The following PKNOX2 variants were observed in gnomAD, a reference collection of about 807,000 sequenced individuals.
PKNOX2 encodes the protein homeobox protein PKNOX2.
PKNOX2 carries 14 observed loss-of-function variants against 53.1 expected under a neutral mutation model. The observed-to-expected ratio is 0.26, with a 90% confidence interval of 0.17 to 0.41. The LOEUF (loss-of-function observed/expected upper bound fraction) is 0.41, where lower values mean the gene tolerates loss of function less well. PKNOX2 is among the 10% of genes least tolerant of loss of function. The pLI is 1.00. For synonymous variants in PKNOX2, 257 were observed against 242.8 expected, an observed-to-expected ratio of 1.06 and a Z score of -0.54; for missense variants, 496 against 602.8, an observed-to-expected ratio of 0.82 and a Z score of 1.85.
intron 1 of PKNOX2, among the ~76,000 whole-genome samples, chr11:125,229,173 C>T (rs1353258079): frequency 6.6e-6 from 1 of 152,144 alleles, no homozygotes; most frequent in Admixed American, 6.5e-5. Flanking sequence ...GAACATAATG[C>T]GACACCCCCA....
chr11:125,325,967 A>G lies in PKNOX2; in HGVS notation c.-129-5852A>G, dbSNP rs114091679. On this transcript the variant is annotated intron_variant, in intron 2 of 12. Coordinates refer to ENST00000298282, the MANE Select transcript of PKNOX2 (RefSeq NM_001382323.2). The stretch of plus-strand genomic sequence containing the variant: ...TCTTTGGCAATGAATAATAATAACT[A>G]AGTAAGCAAACCATCAACTGAACTG... Among the ~76,000 whole-genome samples the G allele has an allele frequency of 2.7e-3, 408 of 152,340 alleles. 4 individuals are homozygous for G. Among genetic ancestry groups the G allele is most frequent in the African/African-American group, 9.5e-3 (395 of 41,582 alleles).
chr11:125,330,075 G>T (rs1250774461), intron 2 of PKNOX2, among the ~76,000 whole-genome samples: 2 of 152,006 alleles, frequency 1.3e-5, no homozygotes, highest in Non-Finnish European at 1.5e-5. Context: ...CAGTGCAGGG[G>T]TGCGCTGTGG....
At chr11:125,271,768 C>T (rs1178295044) in intron 2 of PKNOX2, among the ~76,000 whole-genome samples, 1 of 152,028 alleles carries the variant, frequency 6.6e-6, no homozygotes, top group African/African-American at 2.4e-5. Context: ...CCTCCTTGGG[C>T]CTTGCTCCAG....
chr11:125,386,303 C>G lies in PKNOX2; in HGVS notation c.399+581C>G, dbSNP rs560611536. On this transcript the variant is annotated intron_variant, in intron 6 of 12. Transcript: ENST00000298282. ...TTTATAAAAATACATATTTCTAGGC[C>G]ACACCGCCTGGGAATTGTGATTCAG... 2.8e-3 allele frequency among the ~76,000 whole-genome samples: 419 copies of G among 152,272 alleles called. 5 individuals carry two copies. The highest frequency in any genetic ancestry group is 8.5e-3 in the African/African-American group (354 of 41,550).
intron 1 of PKNOX2, among the ~76,000 whole-genome samples, chr11:125,182,619 C>A (rs1433361023): frequency 6.6e-6 from 1 of 152,220 alleles, no homozygotes; most frequent in Non-Finnish European, 1.5e-5. Context: ...CAGGCTCAGC[C>A]ATCTGAGCCA....
intron 2 of PKNOX2, among the ~76,000 whole-genome samples, chr11:125,293,602 T>A (rs1947449035): frequency 6.6e-6 from 1 of 152,248 alleles, no homozygotes; most frequent in Admixed American, 6.5e-5. Context: ...TTGTTATTAC[T>A]TGAGACTTTC....
intron 2 of PKNOX2, among the ~76,000 whole-genome samples, chr11:125,307,294 G>A (rs1345943536): frequency 6.6e-6 from 1 of 152,122 alleles, no homozygotes; most frequent in Non-Finnish European, 1.5e-5. Flanking sequence ...AACAATAAAG[G>A]GAGCCTGGGT....
At chr11:125,228,516 C>T (rs1182253691) in intron 1 of PKNOX2, among the ~76,000 whole-genome samples, 1 of 152,202 alleles carries the variant, frequency 6.6e-6, no homozygotes, top group Non-Finnish European at 1.5e-5. Context: ...ACACCCCACA[C>T]TGGCTGTCCC....
intron 2 of PKNOX2, among the ~76,000 whole-genome samples, chr11:125,293,800 C>T (rs908655964): frequency 1.3e-4 from 19 of 149,798 alleles, no homozygotes; most frequent in Admixed American, 2.0e-4. Flanking sequence ...CACACACACA[C>T]GCTCACACAC....
intron 6 of PKNOX2, among the ~76,000 whole-genome samples, chr11:125,397,566 G>A (rs1954485199): frequency 6.6e-6 from 1 of 152,212 alleles, no homozygotes; most frequent in South Asian, 2.1e-4. Context: ...CGGGGGCTTG[G>A]ACCTGGCCTC....
intron 3 of PKNOX2, among the ~76,000 whole-genome samples, chr11:125,335,464 T>C (rs1950387657): frequency 6.6e-6 from 1 of 152,110 alleles, no homozygotes; most frequent in Non-Finnish European, 1.5e-5. Context: ...CTTTCAGGCC[T>C]GACATCCTGT....
At chr11:125,281,369 A>G (rs765199351) in intron 2 of PKNOX2, among the ~76,000 whole-genome samples, 24 of 152,172 alleles carry the variant, frequency 1.6e-4, no homozygotes, top group Non-Finnish European at 3.5e-4. Context: ...CTGTCCTCAG[A>G]TCCCCAGACT....
At chr11:125,342,953 C>T (rs1040035204) in intron 3 of PKNOX2, among the ~76,000 whole-genome samples, 2 of 152,142 alleles carry the variant, frequency 1.3e-5, no homozygotes, top group South Asian at 2.1e-4. Context: ...CCCCACCTCT[C>T]CCACTCTTGT....
At chr11:125,402,240 C>A (rs1431048270) in intron 7 of PKNOX2, among the ~76,000 whole-genome samples, 2 of 152,026 alleles carry the variant, frequency 1.3e-5, no homozygotes, top group African/African-American at 4.8e-5. Context: ...TCCCTAGGAA[C>A]CCATCCTGTG....
At chr11:125,333,430 C>T (rs909795534) in intron 3 of PKNOX2, among the ~76,000 whole-genome samples, 1 of 152,136 alleles carries the variant, frequency 6.6e-6, no homozygotes, top group East Asian at 1.9e-4. Context: ...TGATGGACTG[C>T]TAATCCTGCT....
intron 1 of PKNOX2, among the ~76,000 whole-genome samples, chr11:125,188,503 T>A (rs534007628): frequency 1.3e-5 from 2 of 152,300 alleles, no homozygotes; most frequent in Admixed American, 1.3e-4. Context: ...CTTTCTTTTG[T>A]GATGTTGGTG....
intron 2 of PKNOX2, among the ~76,000 whole-genome samples, chr11:125,241,525 C>A (rs529606473): frequency 1.3e-5 from 2 of 152,190 alleles, no homozygotes; most frequent in African/African-American, 2.4e-5. Context: ...TACCTTGAAT[C>A]GTTCCTGGTC....
chr11:125,401,305 C>T (rs563186773), intron 7 of PKNOX2, among the ~76,000 whole-genome samples: 14 of 152,204 alleles, frequency 9.2e-5, no homozygotes, highest in Middle Eastern at 3.4e-3. Flanking sequence ...GAGAGAGGAA[C>T]GGCAGCAAGA....
At chr11:125,428,939 C>T (rs978860100) in intron 10 of PKNOX2, 73 bp from the exon 11 acceptor site, 26 of 1,479,290 alleles carry the variant, frequency 1.8e-5, no homozygotes, top group Admixed American at 8.4e-5. Context: ...GTGCCCATGG[C>T]GTGGGCACAG....
Sources: gnomAD v4.1 joint callset for allele counts (sites outside exome capture counted in the v4.1 genomes callset) on GRCh38, gnomAD v4.1.1 for gene constraint, MANE v1.5 for transcripts, NCBI Gene and HGNC (gene_info 2026-07-23, HGNC 2026-07-21) for gene names.